PGBD1: variants seen among roughly 807,000 people sequenced by gnomAD.
The protein encoded by PGBD1 is piggyBac transposable element-derived protein 1.
A neutral mutation model predicts 34.7 loss-of-function variants in PGBD1; 25 were observed. That is an observed-to-expected ratio of 0.72 (90% CI 0.52 to 1.00). The LOEUF (loss-of-function observed/expected upper bound fraction) is 1.00, where lower values mean the gene tolerates loss of function less well. Among genes scored for constraint, PGBD1 ranks in the 50% least tolerant of loss-of-function variants. The pLI, the probability that PGBD1 is intolerant of heterozygous loss-of-function variation, is 0.00. For missense variants in PGBD1, 830 were observed against 959.4 expected, an observed-to-expected ratio of 0.87 and a Z score of 1.78; for synonymous variants, 292 against 335.7, an observed-to-expected ratio of 0.87 and a Z score of 1.42.
chr6:28,298,345 A>G (rs968195607), intron 6 of PGBD1, among the ~76,000 whole-genome samples: 6 of 152,114 alleles, frequency 3.9e-5, no homozygotes, highest in African/African-American at 1.4e-4. Flanking sequence ...TGAAGCTGCC[A>G]TGACAGTTAA....
chr6:28,283,635 T>C lies in PGBD1; in HGVS notation c.-38-141T>C, dbSNP rs1432389958. The C allele has an allele frequency of 7.4e-6, 5 of 674,940 alleles. No homozygotes were observed. The African/African-American group carries it at 9.0e-5, about 12-fold the overall frequency. 41.8% of individuals were successfully genotyped at this position (674,940 alleles called of 1,614,324 possible). On this transcript the variant is annotated intron_variant, in intron 1 of 6. Transcript: ENST00000682144. The stretch of plus-strand genomic sequence containing the variant: ...TACTTCTGATTCATTTCACTGATAA[T>C]AGAAGCAAGCAGGCTCAGCTTTTGA...
At chr6:28,294,221 A>C (rs1762558971) in intron 4 of PGBD1, among the ~76,000 whole-genome samples, 1 of 152,224 alleles carries the variant, frequency 6.6e-6, no homozygotes, top group Non-Finnish European at 1.5e-5. Flanking sequence ...TACTCTCTTC[A>C]ATTCTGTGAA....
chr6:28,294,926 G>T (rs1388441797), intron 4 of PGBD1, among the ~76,000 whole-genome samples: 1 of 152,110 alleles, frequency 6.6e-6, no homozygotes, highest in Non-Finnish European at 1.5e-5. Flanking sequence ...ATTTTTTAAG[G>T]CTATAGCTGC....
At chr6:28,284,535 C>T (rs1762231520) in intron 2 of PGBD1, among the ~76,000 whole-genome samples, 1 of 151,952 alleles carries the variant, frequency 6.6e-6, no homozygotes, top group Non-Finnish European at 1.5e-5. Flanking sequence ...TATCCCTTTA[C>T]CTCACTGTTG....
At chr6:28,291,573 G>C (rs1384086774) in intron 4 of PGBD1, among the ~76,000 whole-genome samples, 1 of 146,708 alleles carries the variant, frequency 6.8e-6, no homozygotes, top group Non-Finnish European at 1.5e-5. Context: ...AAAAATTGAA[G>C]AGGAGGGACT....
At chr6:28,288,514 G>GCCATCCCTTAAAATTCTTGC (rs1762354718) in intron 4 of PGBD1, among the ~76,000 whole-genome samples, 1 of 152,172 alleles carries the variant, frequency 6.6e-6, no homozygotes, top group African/African-American at 2.4e-5. Context: ...CCTTTAAACA[G>GCCATCCCTTAAAATTCTTGC]TCTGCTCTTG....
In PGBD1 at chr6:28,300,866, A is replaced by G; in HGVS notation, c.1012A>G (p.Ile338Val). ...ATCCCTGGAATATGCTGCAGGAGAC[A>G]TTACCCGAAAAGGGAGAAAAAAAGA... The part of the protein sequence containing the change: ...ISSLEYAAGD[I>V]TRKGRKKDKA... The change falls in exon 7 of 7, where the codon ATT becomes GTT. Residue 338 changes from isoleucine to valine, a missense_variant. This residue lies in a region of PGBD1 where 457 missense variants were observed against 515.4 expected (regional missense o/e 0.89). Coordinates refer to ENST00000682144, the MANE Select transcript of PGBD1 (RefSeq NM_032507.4). This position sits in a 1 kb window ranked among gnomAD's most constrained non-coding sequence, Gnocchi z 4.0. 1 of 1,614,134 alleles carries G rather than the reference A, an allele frequency of 6.2e-7. No homozygotes were observed. The highest frequency in any genetic ancestry group is 8.5e-7 in the Non-Finnish European group (1 of 1,180,010).
intron 4 of PGBD1, among the ~76,000 whole-genome samples, chr6:28,296,222 A>G (rs551421505): frequency 6.6e-5 from 10 of 152,372 alleles, no homozygotes; most frequent in African/African-American, 2.4e-4. Context: ...TTCTGCATTT[A>G]CATTAGATTC....
intron 2 of PGBD1, 27 bp from the exon 3 acceptor site, chr6:28,285,524 C>G (rs769537486): frequency 8.1e-6 from 13 of 1,609,652 alleles, no homozygotes; most frequent in South Asian, 1.1e-5. Flanking sequence ...TATGCATGCC[C>G]TTTCAAAATA....
At chr6:28,286,128 A>G (rs895877879) in intron 3 of PGBD1, among the ~76,000 whole-genome samples, 5 of 152,238 alleles carry the variant, frequency 3.3e-5, no homozygotes, top group Admixed American at 2.6e-4. Flanking sequence ...GTAAAAGTGA[A>G]TCGGGGCAAG....
intron 4 of PGBD1, among the ~76,000 whole-genome samples, chr6:28,296,069 C>T (rs965885414): frequency 6.6e-6 from 1 of 152,152 alleles, no homozygotes; most frequent in Non-Finnish European, 1.5e-5. Flanking sequence ...ATGTGGTAGC[C>T]TTTTGGGACA....
Position 28,283,897 on chromosome 6 carries a change from G to A in PGBD1, c.84G>A (p.Gln28=), listed in dbSNP as rs1323987483. 3 of 1,613,932 alleles carry A rather than the reference G, an allele frequency of 1.9e-6. No individual in the cohort carries two copies. In the African/African-American group the frequency reaches 4.0e-5, roughly 22 times the overall value. The change falls in exon 2 of 7, where the codon CAG becomes CAA. Residue 28 remains glutamine, a synonymous_variant. Transcript: ENST00000682144. ...AGGAGGAAGATCCCACCTGGGAGCA[G>A]GTGTGCAACTCACAGGAGGGCAGCT... ...KVKEEDPTWE[Q]VCNSQEGSSH...
chr6:28,301,897 C>A lies in PGBD1; in HGVS notation c.2043C>A (p.Asn681Lys), dbSNP rs1293210947. 40 of 1,613,914 alleles carry A rather than the reference C, an allele frequency of 2.5e-5. No individual in the cohort carries two copies. The highest frequency in any genetic ancestry group is 3.3e-5 in the Non-Finnish European group (39 of 1,180,010). Reference sequence around the variant, plus strand: ...ATTTTGATTTCCGAATAGAAGAAAACAATGAGATAATTTTGTGTCGTTGGT... The same window carrying A: ...ATTTTGATTTCCGAATAGAAGAAAAAAATGAGATAATTTTGTGTCGTTGGT... ...RGYFDFRIEE[N>K]NEIILCRWYG... Residue 681 changes from asparagine to lysine, a missense_variant, in exon 7 of 7, where the codon AAC becomes AAA. Transcript: ENST00000682144.
chr6:28,281,638 C>T lies in PGBD1; in HGVS notation c.-319C>T, dbSNP rs1049426897. 3 of 370,908 alleles carry T rather than the reference C, an allele frequency of 8.1e-6. No homozygotes were observed. The highest frequency in any genetic ancestry group is 1.4e-5 in the Non-Finnish European group (3 of 210,750). The allele number at this position is 370,908 out of a possible 1,614,324, so 23.0% of individuals were successfully genotyped here. ...ACCCGCCAGCCCAGCGGCCCGGGCT[C>T]TGGGGAAACCGGCGCTCCCGACAGG... On this transcript the variant is annotated 5_prime_UTR_variant, in exon 1 of 7. Transcript: ENST00000682144.
At chr6:28,295,570 G>A (rs944048268) in intron 4 of PGBD1, among the ~76,000 whole-genome samples, 15 of 152,050 alleles carry the variant, frequency 9.9e-5, no homozygotes, top group African/African-American at 3.6e-4. Context: ...AACATCGCAG[G>A]AAGCCCCTCT....
At position 28,300,623 on chromosome 6, in the gene PGBD1, A is replaced by C; in HGVS notation, c.870-101A>C. The stretch of plus-strand genomic sequence containing the variant: ...GAGAAATAAGTAAGTATCCCCCCAC[A>C]CCCACCCCAAGCCCCAAAAGATTTA... On this transcript the variant is annotated intron_variant, in intron 6 of 6. Transcript: ENST00000682144. This position sits in a 1 kb window ranked among gnomAD's most constrained non-coding sequence, Gnocchi z 4.0. 1 of 1,315,582 alleles carries C rather than the reference A, an allele frequency of 7.6e-7. No individual in the cohort carries two copies. The highest frequency in any genetic ancestry group is 1.0e-6 in the Non-Finnish European group (1 of 966,586). The allele number at this position is 1,315,582 out of a possible 1,614,324, so 81.5% of individuals were successfully genotyped here.
Position 28,301,587 on chromosome 6 carries a change from G to T in PGBD1, c.1733G>T (p.Gly578Val). ...ATTTGGTGTGGTACAACCACACAGG[G>T]TTATCTGGTTTGGTTTGAACCCTAT... Reference protein sequence around the residue: ...YKIWCGTTTQGYLVWFEPYQE... With the variant: ...YKIWCGTTTQVYLVWFEPYQE... Residue 578 changes from glycine (G) to valine (V), a missense_variant, in exon 7 of 7, where the codon GGT becomes GTT. Around this residue, in one of 3 missense-constraint regions of PGBD1, gnomAD observed 372 missense variants for 427.9 expected, o/e 0.87. Transcript: ENST00000682144. 9 of 1,614,144 alleles carry T rather than the reference G, an allele frequency of 5.6e-6. No homozygotes were observed. The highest frequency in any genetic ancestry group is 7.6e-6 in the Non-Finnish European group (9 of 1,180,000).
chr6:28,290,879 A>G (rs1329521886), intron 4 of PGBD1, among the ~76,000 whole-genome samples: 3 of 152,154 alleles, frequency 2.0e-5, no homozygotes, highest in Non-Finnish European at 4.4e-5. Context: ...TAAGAAGGAA[A>G]TGTAAAAATG....
intron 4 of PGBD1, among the ~76,000 whole-genome samples, chr6:28,288,775 G>T (rs529094769): frequency 2.8e-4 from 43 of 152,104 alleles, no homozygotes; most frequent in Non-Finnish European, 5.1e-4. Flanking sequence ...GGATCACGAG[G>T]TCAGGAGTTC....
Sources: gnomAD v4.1 joint callset for allele counts (sites outside exome capture counted in the v4.1 genomes callset) on GRCh38, gnomAD v4.1.1 for gene constraint, gnomAD v4.1.1 regional missense constraint, Gnocchi (gnomAD v3.1) non-coding constraint, MANE v1.5 for transcripts, NCBI Gene and HGNC (gene_info 2026-07-23, HGNC 2026-07-21) for gene names.